Variants in SH2D4A observed in about 807,000 individuals in gnomAD.
The protein encoded by SH2D4A is SH2 domain containing 4A.
Under a neutral mutation model 64.7 loss-of-function variants are expected in SH2D4A, and 70 were observed. The observed-to-expected ratio is 1.08, with a 90% CI of 0.89 to 1.32. The LOEUF is 1.32. Among genes scored for constraint, SH2D4A ranks in the 40% most tolerant of loss-of-function variants. The pLI, the probability that SH2D4A is intolerant of heterozygous loss-of-function variation, is 0.00. For missense variants in SH2D4A, 706 were observed against 540.1 expected, an observed-to-expected ratio of 1.31 and a Z score of -3.04; for synonymous variants, 268 against 200.7, an observed-to-expected ratio of 1.34 and a Z score of -2.83.
At chr8:19,374,959 T>A (rs1011507974) in intron 8 of SH2D4A, among the ~76,000 whole-genome samples, 30 of 152,258 alleles carry the variant, frequency 2.0e-4, no homozygotes, top group African/African-American at 7.0e-4. Context: ...TCATCTCTGA[T>A]TATAAGAAGG....
chr8:19,383,126 A>G (rs966815285), intron 8 of SH2D4A, among the ~76,000 whole-genome samples: 30 of 151,284 alleles, frequency 2.0e-4, no homozygotes, highest in African/African-American at 7.3e-4. Flanking sequence ...GGAAGTTTTC[A>G]TTATTTCTTC....
intron 4 of SH2D4A, among the ~76,000 whole-genome samples, chr8:19,336,876 A>T (rs183822114): frequency 3.3e-5 from 5 of 152,198 alleles, no homozygotes; most frequent in Non-Finnish European, 5.9e-5. Context: ...CTTAAAAAAA[A>T]GTATTAAGTA....
At chr8:19,316,980 G>A (rs529403345) in intron 1 of SH2D4A, among the ~76,000 whole-genome samples, 15 of 152,300 alleles carry the variant, frequency 9.8e-5, no homozygotes, top group African/African-American at 3.4e-4. Flanking sequence ...TATGCAGGGC[G>A]GGGGAGACTG....
chr8:19,393,370 C>A lies in SH2D4A; in HGVS notation c.1101C>A (p.Pro367=), dbSNP rs148316756. Residue 367 remains proline, a synonymous_variant, in exon 9 of 10, where the codon CCC becomes CCA. Transcript: ENST00000265807. ...AACTTCTTCTGAGCACAGGCATGCC[C>A]GGCAGTTTTCTCATCCGAGTCAGTG... The part of the protein sequence containing the change: ...ANELLLSTGM[P]GSFLIRVSER... 9 of 1,614,068 alleles carry A rather than the reference C, an allele frequency of 5.6e-6. No homozygotes were observed. Among genetic ancestry groups the A allele is most frequent in the Non-Finnish European group, 7.6e-6 (9 of 1,180,052 alleles).
At chr8:19,385,305 G>T (rs1348209216) in intron 8 of SH2D4A, among the ~76,000 whole-genome samples, 1 of 151,588 alleles carries the variant, frequency 6.6e-6, no homozygotes, top group Non-Finnish European at 1.5e-5. Flanking sequence ...CACCTCCCAG[G>T]TTCAAATGAT....
At chr8:19,373,442 GTGTA>G (rs1038701586) in intron 7 of SH2D4A, 84 bp from the exon 8 acceptor site, 23 of 796,230 alleles carry the variant, frequency 2.9e-5, no homozygotes, top group African/African-American at 5.3e-5. Flanking sequence ...GTATGTGTGT[GTGTA>G]TATATATATA....
intron 4 of SH2D4A, among the ~76,000 whole-genome samples, chr8:19,337,491 G>T (rs1216837783): frequency 6.6e-6 from 1 of 152,090 alleles, no homozygotes; most frequent in East Asian, 1.9e-4. Context: ...GATTTAGGGT[G>T]GATCCTAAAT....
chr8:19,372,845 T>G (rs923144280), intron 7 of SH2D4A, among the ~76,000 whole-genome samples: 2 of 125,958 alleles, frequency 1.6e-5, no homozygotes, highest in Non-Finnish European at 3.1e-5. Context: ...ATTTCTTTAC[T>G]TTTTTTTTTT....
At chr8:19,361,020 AGTCTTACTTCAG>A (rs2052875368) in intron 5 of SH2D4A, 171 bp from the exon 6 acceptor site, 1 of 412,422 alleles carries the variant, frequency 2.4e-6, no homozygotes, top group Non-Finnish European at 4.4e-6. Flanking sequence ...AGCAATGGTC[AGTCTTACTTCAG>A]GTCTTACTGA....
intron 1 of SH2D4A, among the ~76,000 whole-genome samples, chr8:19,315,234 CAA>C (rs2052067513): frequency 6.6e-6 from 1 of 152,140 alleles, no homozygotes; most frequent in Non-Finnish European, 1.5e-5. Context: ...CTCTCCAACT[CAA>C]GAGATCCCCC....
chr8:19,394,570 G>C lies in SH2D4A; in HGVS notation c.1293G>C (p.Leu431=). 1 of 1,607,596 alleles carries C rather than the reference G, an allele frequency of 6.2e-7. No individual in the cohort carries two copies. Among genetic ancestry groups the C allele is most frequent in the Non-Finnish European group, 8.5e-7 (1 of 1,176,482 alleles). Residue 431 remains leucine, a synonymous_variant, in exon 10 of 10, where the codon CTG becomes CTC. Coordinates refer to ENST00000265807, the MANE Select transcript of SH2D4A (RefSeq NM_022071.4). ...GACAGGAGGAACCCATCACTTCCCT[G>C]GGGAAGGAGCTCCTTCTCTATCCCT... ...EYHKEEPITS[L]GKELLLYPCG...
intron 4 of SH2D4A, among the ~76,000 whole-genome samples, chr8:19,336,276 C>T (rs570290777): frequency 6.6e-6 from 1 of 152,274 alleles, no homozygotes; most frequent in Non-Finnish European, 1.5e-5. Flanking sequence ...TCTTAACTCT[C>T]ATGTTTGGTT....
intron 8 of SH2D4A, among the ~76,000 whole-genome samples, chr8:19,374,760 C>T (rs2053165955): frequency 6.6e-6 from 1 of 152,114 alleles, no homozygotes; most frequent in Non-Finnish European, 1.5e-5. Flanking sequence ...TTGCAAGCCT[C>T]CTTCCTTTCT....
chr8:19,372,317 C>G (rs2053115923), intron 7 of SH2D4A, among the ~76,000 whole-genome samples: 1 of 152,166 alleles, frequency 6.6e-6, no homozygotes, highest in African/African-American at 2.4e-5. Context: ...ATTTACACAG[C>G]TCTCCCTCCC....
At chr8:19,351,698 A>C (rs538828842) in intron 4 of SH2D4A, among the ~76,000 whole-genome samples, 2 of 152,286 alleles carry the variant, frequency 1.3e-5, no homozygotes, top group South Asian at 4.1e-4. Flanking sequence ...ATAAAAATTG[A>C]GTCCTGACAA....
Position 19,319,334 on chromosome 8 carries a change from C to A in SH2D4A, c.-204-10C>A. On this transcript the variant is annotated splice_polypyrimidine_tract_variant and intron_variant, in intron 1 of 9. Transcript: ENST00000265807. ...CACGCTGCCTGAATGTGGGCTCTTT[C>A]TCTCTGCAGGTTCAGTGAACAGCAT... The A allele has an allele frequency of 2.5e-6, 3 of 1,208,006 alleles. No individual in the cohort carries two copies. The highest frequency in any genetic ancestry group is 3.1e-6 in the Non-Finnish European group (3 of 972,704). The allele number at this position is 1,208,006 out of a possible 1,614,324, so 74.8% of individuals were successfully genotyped here. A position where few individuals can be genotyped will look rare whatever the true frequency, so the allele number is the denominator to read the frequency against.
intron 5 of SH2D4A, chr8:19,360,805 C>T (rs1213820090): frequency 6.5e-6 from 1 of 154,078 alleles, no homozygotes; most frequent in Non-Finnish European, 1.4e-5. Flanking sequence ...TGTTTACATC[C>T]TTCAGGGAGT....
At chr8:19,376,778 G>C (rs2053202911) in intron 8 of SH2D4A, among the ~76,000 whole-genome samples, 2 of 152,066 alleles carry the variant, frequency 1.3e-5, no homozygotes, top group Admixed American at 1.3e-4. Flanking sequence ...AGACTGTGCT[G>C]GTCTGCTTGC....
At chr8:19,369,139 T>C (rs879375257) in intron 7 of SH2D4A, among the ~76,000 whole-genome samples, 2 of 152,160 alleles carry the variant, frequency 1.3e-5, no homozygotes, top group African/African-American at 2.4e-5. Flanking sequence ...TGTTCATTGA[T>C]TCGTTTATGT....
Sources: allele counts gnomAD v4.1 joint callset (sites outside exome capture counted in the v4.1 genomes callset), GRCh38; gene constraint gnomAD v4.1.1; transcripts MANE v1.5; gene names NCBI Gene and HGNC (gene_info 2026-07-23, HGNC 2026-07-21).